SRPRB: variants seen among roughly 807,000 people sequenced by gnomAD.
SRPRB encodes the protein SRP receptor subunit beta.
SRPRB carries 20 observed loss-of-function variants against 31.9 expected under a neutral mutation model. The ratio of observed to expected loss-of-function variants is 0.63; its 90% confidence interval spans 0.44 to 0.91. SRPRB has a LOEUF of 0.91. Among genes scored for constraint, SRPRB ranks in the 40% least tolerant of loss-of-function variants. SRPRB has a pLI of 0.00. For missense variants in SRPRB, 321 were observed against 324.9 expected (o/e 0.99, Z 0.09); for synonymous variants, 146 against 132.8 (o/e 1.10, Z -0.68).
chr3:133,816,505 CAGAT>C (rs370553792), intron 5 of SRPRB, among the ~76,000 whole-genome samples: 6 of 152,288 alleles, frequency 3.9e-5, no homozygotes, highest in African/African-American at 9.6e-5. Flanking sequence ...TTTAAAATGA[CAGAT>C]AGGGCACTGT....
chr3:133,803,756 T>A (rs1405275725), upstream of SRPRB, among the ~76,000 whole-genome samples: 1 of 151,362 alleles, frequency 6.6e-6, no homozygotes, highest in East Asian at 2.0e-4. Flanking sequence ...AACCTGGAAT[T>A]CCTGGGCTCA....
downstream of SRPRB, chr3:133,828,113 G>T: frequency 6.3e-6 from 4 of 637,334 alleles, no homozygotes; most frequent in Non-Finnish European, 1.1e-5. Flanking sequence ...CAGTTCCTCT[G>T]GGGGCTGCTG....
intron 3 of SRPRB, chr3:133,810,695 A>G (rs3860500): frequency 0.014 from 2,111 of 153,356 alleles, 52 homozygotes; most frequent in South Asian, 0.12. Context: ...CTTATATTAC[A>G]TTATTAGTTT....
chr3:133,803,710 G>A (rs1935096172), upstream of SRPRB, among the ~76,000 whole-genome samples: 1 of 151,388 alleles, frequency 6.6e-6, no homozygotes, highest in African/African-American at 2.4e-5. Context: ...TGTTGCCCAG[G>A]CTGGAGTGCA....
intron 4 of SRPRB, among the ~76,000 whole-genome samples, chr3:133,812,805 C>A (rs1190961090): frequency 6.6e-6 from 1 of 152,210 alleles, no homozygotes; most frequent in Non-Finnish European, 1.5e-5. Flanking sequence ...TATTTATGCT[C>A]CTTTTTAACC....
At chr3:133,809,083 C>T (rs1008563242) in intron 3 of SRPRB, among the ~76,000 whole-genome samples, 2 of 151,818 alleles carry the variant, frequency 1.3e-5, no homozygotes, top group Non-Finnish European at 2.9e-5. Flanking sequence ...ACCTCTGCCT[C>T]CCGAGTTGAA....
At chr3:133,807,021 T>A (rs1362693707) in intron 2 of SRPRB, among the ~76,000 whole-genome samples, 1 of 152,172 alleles carries the variant, frequency 6.6e-6, no homozygotes, top group Non-Finnish European at 1.5e-5. Flanking sequence ...AGTTTATAAT[T>A]CCTTCGTTAA....
intron 6 of SRPRB, among the ~76,000 whole-genome samples, chr3:133,818,785 A>T (rs917709833): frequency 1.2e-4 from 17 of 144,208 alleles, no homozygotes; most frequent in African/African-American, 1.8e-4. Context: ...ATACTTTTAC[A>T]GTGTGTGTGT....
chr3:133,798,077 C>T (rs1935005441), intron 1 of SRPRB, among the ~76,000 whole-genome samples: 1 of 152,144 alleles, frequency 6.6e-6, no homozygotes, highest in African/African-American at 2.4e-5. Context: ...GAACACTTAA[C>T]CTTTATGAAT....
chr3:133,812,475 A>G (rs1330276421), intron 4 of SRPRB, among the ~76,000 whole-genome samples: 1 of 152,230 alleles, frequency 6.6e-6, no homozygotes. Flanking sequence ...TGATTCATGT[A>G]TTTTGGGTAA....
intron 4 of SRPRB, among the ~76,000 whole-genome samples, chr3:133,814,793 T>G (rs1935337983): frequency 6.6e-6 from 1 of 152,214 alleles, no homozygotes. Flanking sequence ...AGCTTTGATA[T>G]CTCTTTGTTT....
upstream of SRPRB, among the ~76,000 whole-genome samples, chr3:133,804,555 G>T (rs1387436325): frequency 6.6e-6 from 1 of 152,166 alleles, no homozygotes; most frequent in Non-Finnish European, 1.5e-5. Context: ...AGGTTGGACA[G>T]GGAGTTGCTG....
downstream of SRPRB, chr3:133,828,513 A>T (rs867553368): frequency 6.3e-6 from 3 of 478,812 alleles, no homozygotes; most frequent in African/African-American, 4.0e-5. Context: ...CATGATTTAA[A>T]TTTTTTTTAA....
At chr3:133,813,093 A>T (rs1275823660) in intron 4 of SRPRB, among the ~76,000 whole-genome samples, 3 of 152,162 alleles carry the variant, frequency 2.0e-5, no homozygotes, top group Non-Finnish European at 4.4e-5. Context: ...TCCTGACCTC[A>T]TCCATCTGTT....
chr3:133,816,534 AG>A (rs1306060318), intron 5 of SRPRB, among the ~76,000 whole-genome samples: 4 of 152,238 alleles, frequency 2.6e-5, no homozygotes, highest in African/African-American at 9.6e-5. Flanking sequence ...TGGCATGTGA[AG>A]GCACTTCTCA....
At chr3:133,784,568 A>C (rs113759779) in intron 1 of SRPRB, 9 of 152,038 alleles carry the variant, frequency 5.9e-5, no homozygotes, top group African/African-American at 1.9e-4. Flanking sequence ...CACCTCTGGA[A>C]GTGACAGCAG....
At chr3:133,814,214 C>T (rs1406325851) in intron 4 of SRPRB, among the ~76,000 whole-genome samples, 3 of 151,336 alleles carry the variant, frequency 2.0e-5, no homozygotes, top group Admixed American at 1.3e-4. Context: ...TCGCTGCAAG[C>T]TCTGCCTCCC....
chr3:133,811,037 A>T (rs1213841512), intron 3 of SRPRB, 80 bp from the exon 4 acceptor site: 30 of 1,339,864 alleles, frequency 2.2e-5, no homozygotes, highest in Non-Finnish European at 3.0e-5. Context: ...CCAGTTTGGT[A>T]GCCAATATAT....
chr3:133,797,975 G>A (rs746051584), intron 1 of SRPRB, among the ~76,000 whole-genome samples: 1 of 152,086 alleles, frequency 6.6e-6, no homozygotes, highest in Admixed American at 6.5e-5. Context: ...CTAGTATCTC[G>A]GTATCCAGAA....
Sources: gnomAD v4.1 joint callset for allele counts (sites outside exome capture counted in the v4.1 genomes callset) on GRCh38, gnomAD v4.1.1 for gene constraint, MANE v1.5 for transcripts, NCBI Gene and HGNC (gene_info 2026-07-23, HGNC 2026-07-21) for gene names.